The following INTS14 variants were observed in gnomAD, a reference collection of about 807,000 sequenced individuals.
The protein encoded by INTS14 is UPF0464 protein C15orf44.
In INTS14, 27 loss-of-function variants were observed where a neutral mutation model predicts 56.9. The ratio of observed to expected loss-of-function variants is 0.47; its 90% confidence interval spans 0.35 to 0.65. The LOEUF is 0.65. INTS14 is among the 30% of genes least tolerant of loss of function. The pLI, the probability that INTS14 is intolerant of heterozygous loss-of-function variation, is 0.00. For missense variants in INTS14, 517 were observed against 632.2 expected, an observed-to-expected ratio of 0.82 and a Z score of 1.95; for synonymous variants, 207 against 236.2, an observed-to-expected ratio of 0.88 and a Z score of 1.13.
intron 8 of INTS14, 34 bp from the exon 9 acceptor site, chr15:65,591,765 A>G: frequency 6.2e-7 from 1 of 1,610,404 alleles, no homozygotes. Flanking sequence ...TCAGAAGAAC[A>G]TCAAGCCTGA....
chr15:65,605,327 CA>C (rs2073606407), intron 2 of INTS14, 91 bp from the exon 3 acceptor site: 16 of 915,178 alleles, frequency 1.7e-5, no homozygotes, highest in Non-Finnish European at 2.4e-5. Context: ...ATGAATGTTA[CA>C]CAGGGGACAC....
In INTS14 at chr15:65,579,360, G is replaced by A; in HGVS notation, c.*48C>T. On this transcript the variant is annotated 3_prime_UTR_variant, in exon 12 of 12. Coordinates refer to ENST00000313182, the MANE Select transcript of INTS14 (RefSeq NM_001394796.1). The stretch of plus-strand genomic sequence containing the variant: ...CATACTGGAAAGGTTTTTACCTAAA[G>A]CATTTTCAGTTGAAATGAAAAAAGA... 6.3e-7 allele frequency: 1 copy of A among 1,588,858 alleles called. No homozygotes were observed. Among genetic ancestry groups the A allele is most frequent in the Admixed American group, 1.7e-5 (1 of 58,564 alleles).
At chr15:65,607,569 T>C in intron 1 of INTS14, 127 bp from the exon 2 acceptor site, 1 of 1,101,872 alleles carries the variant, frequency 9.1e-7, no homozygotes, top group Non-Finnish European at 1.3e-6. Context: ...GAATAATCTG[T>C]AGAGAACTCA....
rs2073431280 is a variant in INTS14, at chr15:65,601,486, G to C, written c.331-1557C>G. ...GCCTCCCGAGCAGCTGGAACTACAGGTGTGTGCCATAAAGCCCACCTAATT... is the reference window on the plus strand; with the variant it reads ...GCCTCCCGAGCAGCTGGAACTACAGCTGTGTGCCATAAAGCCCACCTAATT... On this transcript the variant is annotated intron_variant, in intron 3 of 11. Transcript: ENST00000313182. Among the ~76,000 whole-genome samples the C allele has an allele frequency of 2.0e-5, 3 of 152,166 alleles. No individual in the cohort carries two copies. The South Asian group carries it at 6.2e-4, about 32-fold the overall frequency.
intron 3 of INTS14, among the ~76,000 whole-genome samples, chr15:65,601,025 GT>G: frequency 1.3e-5 from 2 of 152,282 alleles, no homozygotes; most frequent in South Asian, 2.1e-4. Flanking sequence ...TACCAGCACA[GT>G]AGTCTGAACT....
chr15:65,589,628 C>A (rs546549226), intron 9 of INTS14, among the ~76,000 whole-genome samples: 2 of 152,160 alleles, frequency 1.3e-5, no homozygotes, highest in Non-Finnish European at 2.9e-5. Flanking sequence ...GCCTATTCTC[C>A]TCTCCTCACT....
At chr15:65,601,728 C>T (rs1188495702) in intron 3 of INTS14, among the ~76,000 whole-genome samples, 2 of 152,170 alleles carry the variant, frequency 1.3e-5, no homozygotes, top group African/African-American at 4.8e-5. Flanking sequence ...TAGAGGTCCC[C>T]TGGAAGGATG....
At chr15:65,589,797 G>C (rs896485772) in intron 9 of INTS14, among the ~76,000 whole-genome samples, 4 of 151,964 alleles carry the variant, frequency 2.6e-5, no homozygotes, top group African/African-American at 9.7e-5. Flanking sequence ...ACTGCCCTGA[G>C]CAATCTCCCT....
intron 8 of INTS14, among the ~76,000 whole-genome samples, chr15:65,592,647 TATAGTGTTGTTATGAGGGA>T (rs2073069711): frequency 6.6e-6 from 1 of 152,168 alleles, no homozygotes; most frequent in Non-Finnish European, 1.5e-5. Context: ...ATACCTCCCA[TATAGTGTTGTTATGAGGGA>T]TTAAATGTGC....
chr15:65,606,519 T>C (rs991209118), intron 2 of INTS14, among the ~76,000 whole-genome samples: 5 of 151,776 alleles, frequency 3.3e-5, no homozygotes, highest in African/African-American at 1.2e-4. Flanking sequence ...CTTCCCAAAG[T>C]GCTGGGATTA....
chr15:65,605,722 T>C (rs1165756200), intron 2 of INTS14, among the ~76,000 whole-genome samples: 1 of 152,192 alleles, frequency 6.6e-6, no homozygotes, highest in Non-Finnish European at 1.5e-5. Context: ...TGGCAGAACC[T>C]GGATTTGTAA....
chr15:65,596,615 GGCT>G (rs2073221264), intron 6 of INTS14, among the ~76,000 whole-genome samples: 1 of 152,012 alleles, frequency 6.6e-6, no homozygotes, highest in African/African-American at 2.4e-5. Flanking sequence ...TTGTTGCCCA[GGCT>G]GGAGTGCAAT....
intron 1 of INTS14, chr15:65,610,809 C>G: frequency 6.5e-7 from 1 of 1,534,868 alleles, no homozygotes; most frequent in Non-Finnish European, 8.7e-7. Flanking sequence ...AAAAATCAGT[C>G]AAGAAAATGT....
Position 65,579,321 on chromosome 15 carries a change from A to G in INTS14, c.*87T>C, listed in dbSNP as rs1034843705. 6 of 1,538,414 alleles carry G rather than the reference A, an allele frequency of 3.9e-6. No homozygotes were observed. In the African/African-American group the frequency reaches 6.8e-5, roughly 18 times the overall value. On this transcript the variant is annotated 3_prime_UTR_variant, in exon 12 of 12. Transcript: ENST00000313182. The stretch of plus-strand genomic sequence containing the variant: ...GCCTCAGGAAGGTCTTTGGGTGGCT[A>G]TTCTAGAGGTGAACATACTGGAAAG...
chr15:65,582,617 G>A (rs552217582), intron 10 of INTS14, among the ~76,000 whole-genome samples: 10 of 152,152 alleles, frequency 6.6e-5, no homozygotes, highest in South Asian at 2.1e-4. Flanking sequence ...AAAACACAGC[G>A]GGTAAATCTT....
At chr15:65,595,490 T>C (rs2073179513) in intron 7 of INTS14, among the ~76,000 whole-genome samples, 1 of 152,250 alleles carries the variant, frequency 6.6e-6, no homozygotes, top group African/African-American at 2.4e-5. Flanking sequence ...TTCTCATCTC[T>C]AAAGAGGACC....
At chr15:65,584,338 T>A (rs555956490) in intron 10 of INTS14, among the ~76,000 whole-genome samples, 1 of 152,202 alleles carries the variant, frequency 6.6e-6, no homozygotes, top group Non-Finnish European at 1.5e-5. Context: ...TTAAAGCCAA[T>A]ACCCATTATG....
At chr15:65,596,157 T>C (rs985657511) in intron 6 of INTS14, among the ~76,000 whole-genome samples, 3 of 152,202 alleles carry the variant, frequency 2.0e-5, no homozygotes, top group Non-Finnish European at 2.9e-5. Flanking sequence ...GGGGGCATCA[T>C]AGTCAAACAC....
rs1227065994 is a variant in INTS14 at position 65,593,435 on chromosome 15, G to C, written c.979C>G (p.Gln327Glu). 1 of 1,609,738 alleles carries C rather than the reference G, an allele frequency of 6.2e-7. No individual in the cohort carries two copies. The highest frequency in any genetic ancestry group is 1.3e-5 in the African/African-American group (1 of 74,718). ...GTAAACAAAGTTTCCTACCCTAATT[G>C]AACAATCGCTACCATTCCTTCCACT... The part of the protein sequence containing the change: ...LKVEGMVAIV[Q>E]LGPEWHGMLY... Residue 327 changes from glutamine to glutamate, a missense_variant, in exon 8 of 12, where the codon CAA becomes GAA. Gln to Glu is a conservative substitution (Grantham distance 29, BLOSUM62 2). Transcript: ENST00000313182.
Sources: allele counts gnomAD v4.1 joint callset (sites outside exome capture counted in the v4.1 genomes callset), GRCh38; gene constraint gnomAD v4.1.1; transcripts MANE v1.5; gene names NCBI Gene and HGNC (gene_info 2026-07-23, HGNC 2026-07-21).